ZNF584: variants seen among roughly 807,000 people sequenced by gnomAD.
The protein encoded by ZNF584 is zinc finger protein 584.
A neutral mutation model predicts 14.7 loss-of-function variants in ZNF584; 12 were observed. The observed-to-expected ratio is 0.82, with a 90% CI of 0.52 to 1.32. The LOEUF is 1.32. ZNF584 is among the 40% of genes most tolerant of loss of function. The pLI, the probability that ZNF584 is intolerant of heterozygous loss-of-function variation, is 0.00. For missense variants in ZNF584, 478 were observed against 518.8 expected (o/e 0.92, Z 0.76); for synonymous variants, 204 against 190.9 (o/e 1.07, Z -0.57).
intron 3 of ZNF584, chr19:58,415,892 T>C (rs2052636825): frequency 6.3e-7 from 1 of 1,599,112 alleles, no homozygotes; most frequent in African/African-American, 1.3e-5. Context: ...AGCTGTCTAC[T>C]GTTGGCGACT....
At chr19:58,404,004 G>A (rs1451608815), upstream of ZNF584, among the ~76,000 whole-genome samples, 1 of 149,608 alleles carries the variant, frequency 6.7e-6, no homozygotes, top group East Asian at 1.9e-4. Context: ...GTCCAATGAA[G>A]TAGTGCCAGG....
At chr19:58,412,199 C>CT (rs35188048) in intron 2 of ZNF584, among the ~76,000 whole-genome samples, 883 of 83,890 alleles carry the variant, frequency 0.011, 32 homozygotes, top group African/African-American at 0.027. Flanking sequence ...CCAGGGTGGT[C>CT]TTTTTTTTTT....
intron 2 of ZNF584, among the ~76,000 whole-genome samples, chr19:58,410,583 GTATATATATGTATATATATGTA>G (rs2052543844): frequency 7.5e-5 from 2 of 26,732 alleles, no homozygotes; most frequent in Admixed American, 8.2e-4. Context: ...GTATATATAT[GTATATATATGTATATATATGTA>G]TATATATGTG....
chr19:58,412,504 C>T (rs1373640474), intron 2 of ZNF584, among the ~76,000 whole-genome samples: 5 of 152,172 alleles, frequency 3.3e-5, no homozygotes, highest in African/African-American at 4.8e-5. Flanking sequence ...CCACCACGCC[C>T]GGCCTGGCCA....
upstream of ZNF584, chr19:58,404,848 TC>T: frequency 6.7e-6 from 1 of 149,284 alleles, no homozygotes; most frequent in Middle Eastern, 3.4e-3. Flanking sequence ...ACAGGGCGGC[TC>T]GCCAGGCGGG....
rs1298715745 is a variant in ZNF584 at position 58,409,094 on chromosome 19, C to G, written c.-54C>G. The G allele has an allele frequency of 2.7e-6, 4 of 1,461,638 alleles. No individual in the cohort carries two copies. The highest frequency in any genetic ancestry group is 3.6e-6 in the Non-Finnish European group (4 of 1,096,720). The allele number at this position is 1,461,638 out of a possible 1,614,324, so 90.5% of individuals were successfully genotyped here. A position where few individuals can be genotyped will look rare whatever the true frequency, so the allele number is the denominator to read the frequency against. On this transcript the variant is annotated 5_prime_UTR_variant, in exon 1 of 4. Transcript: ENST00000306910. ...CGGCCGAGGGTTTCCGCGCCCGGGA[C>G]GCGTTTCGGCTGAGGCCGTGGGTCC...
At chr19:58,402,545 G>T (rs1283203024) in intron 1 of ZNF584, among the ~76,000 whole-genome samples, 3 of 152,158 alleles carry the variant, frequency 2.0e-5, no homozygotes, top group African/African-American at 7.2e-5. Context: ...ATTCAAGGCT[G>T]GGCGCGGTGG....
upstream of ZNF584, chr19:58,405,155 T>C (rs2052458528): frequency 7.1e-6 from 1 of 141,550 alleles, no homozygotes; most frequent in Admixed American, 7.0e-5. Context: ...ACGGGGCGGC[T>C]GGCCGGGCAG....
At chr19:58,406,584 T>C (rs1433196969), upstream of ZNF584, 1 of 152,180 alleles carries the variant, frequency 6.6e-6, no homozygotes, top group African/African-American at 2.4e-5. Flanking sequence ...ACCAGGGGTA[T>C]AACTCAGGTA....
upstream of ZNF584, chr19:58,408,410 T>C (rs1208779738): frequency 1.3e-5 from 2 of 152,266 alleles, no homozygotes; most frequent in Non-Finnish European, 2.9e-5. Context: ...CTTCGTTCGT[T>C]TCTGCGGACC....
rs1340373210 is a variant in ZNF584, at chr19:58,410,557, A to ATATG, written c.169+467_169+468insATGT. ...TATATATATATATATATATATATAT[A>ATATG]TGTGTATATATATATGTATATATAT... On this transcript the variant is annotated intron_variant, in intron 2 of 3. Transcript: ENST00000306910. 5.7e-3 allele frequency among the ~76,000 whole-genome samples: 149 copies of ATATG among 25,990 alleles called. 23 individuals carry two copies. In the East Asian group the frequency reaches 0.077, roughly 13 times the overall value. 17.1% of individuals were successfully genotyped at this position (25,990 alleles called of 152,430 possible). A position where few individuals can be genotyped will look rare whatever the true frequency, so the allele number is the denominator to read the frequency against.
At chr19:58,415,391 T>C in intron 2 of ZNF584, 133 bp from the exon 3 acceptor site, 1 of 908,556 alleles carries the variant, frequency 1.1e-6, no homozygotes, top group Non-Finnish European at 1.7e-6. Flanking sequence ...AGAGTTGGGG[T>C]CTTACTGTGT....
At chr19:58,405,302 TG>T (rs1568580077), upstream of ZNF584, 220 of 99,968 alleles carry the variant, frequency 2.2e-3, no homozygotes, top group Middle Eastern at 9.4e-3. Context: ...ACGGAGCGGC[TG>T]GCCGGGCAGA....
upstream of ZNF584, among the ~76,000 whole-genome samples, chr19:58,407,574 C>T (rs763443216): frequency 5.3e-5 from 8 of 152,148 alleles, no homozygotes; most frequent in Admixed American, 1.3e-4. Context: ...CGACCAACAG[C>T]GACTTCCAAG....
intron 2 of ZNF584, among the ~76,000 whole-genome samples, chr19:58,410,335 G>C (rs566054344): frequency 1.3e-5 from 2 of 150,982 alleles, no homozygotes; most frequent in South Asian, 4.2e-4. Flanking sequence ...GCAGGTTTTG[G>C]GGGTCAGATG....
chr19:58,401,969 T>C (rs1269809671), intron 1 of ZNF584, among the ~76,000 whole-genome samples: 1 of 144,220 alleles, frequency 6.9e-6, no homozygotes, highest in Non-Finnish European at 1.5e-5. Flanking sequence ...CTCGGGAGGC[T>C]GAGGCAGGAG....
At chr19:58,403,368 G>A (rs1234601187) in intron 1 of ZNF584, among the ~76,000 whole-genome samples, 2 of 152,254 alleles carry the variant, frequency 1.3e-5, no homozygotes, top group East Asian at 3.9e-4. Context: ...AGTTATGAAA[G>A]GCATGGAGGA....
At position 58,415,510 on chromosome 19, in the gene ZNF584, C is replaced by A. The variant is rs1390146833; in HGVS notation, c.170-14C>A. The A allele has an allele frequency of 6.2e-7, 1 of 1,606,676 alleles. No homozygotes were observed. Among genetic ancestry groups the A allele is most frequent in the Non-Finnish European group, 8.5e-7 (1 of 1,174,452 alleles). On this transcript the variant is annotated splice_polypyrimidine_tract_variant and intron_variant, in intron 2 of 3. Coordinates refer to ENST00000306910, the MANE Select transcript of ZNF584 (RefSeq NM_173548.3). Reference sequence around the variant, plus strand: ...CATGCCCAGCCTGTTTCTTTTACTACCTGTCACCCGCAGGACTTGCACCTT... The same window carrying A: ...CATGCCCAGCCTGTTTCTTTTACTAACTGTCACCCGCAGGACTTGCACCTT...
At chr19:58,404,217 A>G, upstream of ZNF584, 1 of 150,464 alleles carries the variant, frequency 6.6e-6, no homozygotes, top group Non-Finnish European at 1.4e-5. Context: ...GGCCCATCTC[A>G]CAGAGGAACA....
Sources: gnomAD v4.1 joint callset for allele counts (sites outside exome capture counted in the v4.1 genomes callset) on GRCh38, gnomAD v4.1.1 for gene constraint, MANE v1.5 for transcripts, NCBI Gene and HGNC (gene_info 2026-07-23, HGNC 2026-07-21) for gene names.